Variants in SLCO3A1 observed in about 807,000 individuals in gnomAD.
SLCO3A1 encodes solute carrier organic anion transporter family member 3A1.
In SLCO3A1, 27 loss-of-function variants were observed where a neutral mutation model predicts 63.1. The ratio of observed to expected loss-of-function variants is 0.43; its 90% confidence interval spans 0.32 to 0.59. SLCO3A1 has a LOEUF of 0.59. Ranked by LOEUF, SLCO3A1 falls within the 20% of genes least tolerant of loss-of-function variation. SLCO3A1 has a pLI of 0.09. For synonymous variants in SLCO3A1, 473 were observed against 409.9 expected, an observed-to-expected ratio of 1.15 and a Z score of -1.86; for missense variants, 773 against 945.8, an observed-to-expected ratio of 0.82 and a Z score of 2.40.
chr15:91,861,154 G>A (rs1897038360), intron 1 of SLCO3A1, among the ~76,000 whole-genome samples: 1 of 152,314 alleles, frequency 6.6e-6, no homozygotes, highest in African/African-American at 2.4e-5. Context: ...GAGAGTCTGT[G>A]CTCAGAAGAC....
At chr15:92,124,631 C>T (rs1372057333) in intron 5 of SLCO3A1, among the ~76,000 whole-genome samples, 2 of 152,046 alleles carry the variant, frequency 1.3e-5, no homozygotes, top group Non-Finnish European at 2.9e-5. Context: ...CACAGGAAAG[C>T]TGTATCCTAG....
In SLCO3A1 at chr15:92,163,149, G is replaced by C. The variant is rs549487649; in HGVS notation, c.*14G>C. The C allele has an allele frequency of 2.7e-6, 4 of 1,495,536 alleles. No individual in the cohort carries two copies. Among genetic ancestry groups the C allele is most frequent in the Non-Finnish European group, 3.6e-6 (4 of 1,124,996 alleles). The allele number at this position is 1,495,536 out of a possible 1,614,324, so 92.6% of individuals were successfully genotyped here. ...TCCGTTTTATAGTGACTAAAGGAGG[G>C]CTGAACTCTGTATTAGTAATCCAAG... On this transcript the variant is annotated 3_prime_UTR_variant, in exon 10 of 10. Transcript: ENST00000318445.
chr15:92,115,432 C>T (rs562444808), intron 4 of SLCO3A1, among the ~76,000 whole-genome samples: 17 of 152,166 alleles, frequency 1.1e-4, no homozygotes, highest in Non-Finnish European at 2.5e-4. Flanking sequence ...GAACACTACA[C>T]ATGACAAGGA....
At chr15:91,976,690 AAG>A (rs2151433215) in intron 2 of SLCO3A1, among the ~76,000 whole-genome samples, 1 of 152,276 alleles carries the variant, frequency 6.6e-6, no homozygotes, top group South Asian at 2.1e-4. Flanking sequence ...CAGAGTACAA[AAG>A]AGAGAAATTT....
rs892779767 is a variant in SLCO3A1 at position 91,886,499 on chromosome 15, A to G, written c.181-29494A>G. 1.3e-5 allele frequency among the ~76,000 whole-genome samples: 2 copies of G among 152,108 alleles called. No individual in the cohort carries two copies. Among genetic ancestry groups the G allele is most frequent in the African/African-American group, 2.4e-5 (1 of 41,400 alleles). On this transcript the variant is annotated intron_variant, in intron 1 of 9. Coordinates refer to ENST00000318445, the MANE Select transcript of SLCO3A1 (RefSeq NM_013272.4). This position sits in a 1 kb window ranked among gnomAD's most constrained non-coding sequence, Gnocchi z 4.9. Reference sequence around the variant, plus strand: ...GCCTAGAAGGCCCCAGTGAGCATTGACTTGGACCTGGTGATTTTCCTCTTT... The same window carrying G: ...GCCTAGAAGGCCCCAGTGAGCATTGGCTTGGACCTGGTGATTTTCCTCTTT...
chr15:92,133,025 G>A (rs2048014743), intron 7 of SLCO3A1, among the ~76,000 whole-genome samples: 1 of 145,984 alleles, frequency 6.9e-6, no homozygotes, highest in Non-Finnish European at 1.5e-5. Flanking sequence ...CTAATACAGG[G>A]CTTCTCAGTC....
chr15:91,889,011 A>AG (rs1897799638), intron 1 of SLCO3A1: 1 of 454,530 alleles, frequency 2.2e-6, no homozygotes, highest in Admixed American at 4.6e-5. Flanking sequence ...CTGTCTCTAA[A>AG]AAAAAAAAAG....
chr15:91,928,065 A>T (rs551217652), intron 2 of SLCO3A1, among the ~76,000 whole-genome samples: 5 of 152,330 alleles, frequency 3.3e-5, no homozygotes, highest in African/African-American at 1.2e-4. Flanking sequence ...ATAGAGGAAA[A>T]TGTCTCCCAC....
At chr15:91,996,644 T>C (rs1223105107) in intron 2 of SLCO3A1, among the ~76,000 whole-genome samples, 3 of 152,120 alleles carry the variant, frequency 2.0e-5, no homozygotes, top group Non-Finnish European at 4.4e-5. Context: ...CACAGGGATA[T>C]AGAAATAGAT....
chr15:92,017,221 G>C (rs1171966137), intron 2 of SLCO3A1, among the ~76,000 whole-genome samples: 1 of 151,688 alleles, frequency 6.6e-6, no homozygotes, highest in African/African-American at 2.4e-5. Context: ...TATTGGAACT[G>C]ATCCCTCAAA....
At chr15:92,141,291 C>G (rs111647946) in intron 7 of SLCO3A1, among the ~76,000 whole-genome samples, 2,316 of 152,252 alleles carry the variant, frequency 0.015, 64 homozygotes, top group African/African-American at 0.052. Flanking sequence ...TTTGCCAATT[C>G]TGCAATCATA....
At chr15:92,112,716 C>T (rs143805636) in intron 4 of SLCO3A1, among the ~76,000 whole-genome samples, 11 of 152,268 alleles carry the variant, frequency 7.2e-5, no homozygotes, top group African/African-American at 2.6e-4. Flanking sequence ...CTTGGGACAC[C>T]GTAGACACTG....
rs773472843 is a variant in SLCO3A1, at chr15:92,007,331, T to G, written c.647-87550T>G. On this transcript the variant is annotated intron_variant, in intron 2 of 9. Transcript: ENST00000318445. ...ACGACAGCTTTCTACCATGGCAGAC[T>G]CTGAGCTTGAGTTGAAGGGACATTG... Among the ~76,000 whole-genome samples, 59 of 152,208 alleles carry G rather than the reference T, an allele frequency of 3.9e-4. 1 individual carries two copies. The highest frequency in any genetic ancestry group is 7.1e-4 in the Non-Finnish European group (48 of 68,046).
chr15:92,153,464 T>A (rs1021591383), intron 9 of SLCO3A1: 27 of 152,176 alleles, frequency 1.8e-4, no homozygotes, highest in African/African-American at 6.5e-4. Context: ...ATTGAAGAAG[T>A]CTTAGCATTT....
chr15:92,064,052 A>G (rs1597275555), intron 2 of SLCO3A1, among the ~76,000 whole-genome samples: 1 of 151,974 alleles, frequency 6.6e-6, no homozygotes, highest in South Asian at 2.1e-4. Context: ...GCATAAGTTA[A>G]CCTCTCCAAC....
chr15:92,006,174 A>G (rs559461106), intron 2 of SLCO3A1, among the ~76,000 whole-genome samples: 1 of 152,320 alleles, frequency 6.6e-6, no homozygotes, highest in East Asian at 1.9e-4. Flanking sequence ...GGTCTCTCAC[A>G]TAAGCCAGGT....
Position 91,882,768 on chromosome 15 carries a change from C to T in SLCO3A1, c.180+28680C>T, listed in dbSNP as rs373439867. Among the ~76,000 whole-genome samples the T allele has an allele frequency of 4.6e-5, 7 of 152,328 alleles. No individual in the cohort carries two copies. Among genetic ancestry groups the T allele is most frequent in the African/African-American group, 1.7e-4 (7 of 41,580 alleles). On this transcript the variant is annotated intron_variant, in intron 1 of 9. Coordinates refer to ENST00000318445, the MANE Select transcript of SLCO3A1 (RefSeq NM_013272.4). The surrounding 1 kb of genome is among the most constrained non-coding windows in gnomAD (Gnocchi z 4.4). Reference sequence around the variant, plus strand: ...AACTCCTGACCTCAGGTCATCTGCCCATCTCGGCCTTCCAAAGTGCTGAGA... The same window carrying T: ...AACTCCTGACCTCAGGTCATCTGCCTATCTCGGCCTTCCAAAGTGCTGAGA...
intron 2 of SLCO3A1, among the ~76,000 whole-genome samples, chr15:92,082,311 T>G (rs2047356857): frequency 6.6e-6 from 1 of 152,142 alleles, no homozygotes; most frequent in African/African-American, 2.4e-5. Flanking sequence ...GGCAATACAT[T>G]TATATAAATT....
At chr15:92,002,421 G>T (rs1171596747) in intron 2 of SLCO3A1, among the ~76,000 whole-genome samples, 2 of 152,160 alleles carry the variant, frequency 1.3e-5, no homozygotes, top group Non-Finnish European at 2.9e-5. Flanking sequence ...GTTTTTATCA[G>T]TCTGGCAACA....
Sources: allele counts gnomAD v4.1 joint callset (sites outside exome capture counted in the v4.1 genomes callset), GRCh38; gene constraint gnomAD v4.1.1; non-coding constraint Gnocchi (gnomAD v3.1); transcripts MANE v1.5; gene names NCBI Gene and HGNC (gene_info 2026-07-23, HGNC 2026-07-21).